Variants in TRDN observed in about 807,000 individuals in gnomAD.
TRDN encodes the protein triadin in skeletal muscle.
Under a neutral mutation model 149.7 loss-of-function variants are expected in TRDN, and 161 were observed. The ratio of observed to expected loss-of-function variants is 1.08; its 90% CI spans 0.95 to 1.23. The LOEUF (loss-of-function observed/expected upper bound fraction) is 1.23, where lower values mean the gene tolerates loss of function less well. Ranked by LOEUF, TRDN falls within the 50% of genes most tolerant of loss-of-function variation. The pLI is 0.00. For missense variants in TRDN, 896 were observed against 823.5 expected (o/e 1.09, Z -1.08); for synonymous variants, 294 against 250.5 (o/e 1.17, Z -1.64).
intron 4 of TRDN, among the ~76,000 whole-genome samples, chr6:123,538,262 G>T (rs1168128344): frequency 1.3e-5 from 2 of 151,800 alleles, no homozygotes; most frequent in African/African-American, 4.8e-5. Flanking sequence ...CTTAAACATA[G>T]AATCTTTATA....
At chr6:123,519,073 G>A (rs1297691103) in intron 5 of TRDN, among the ~76,000 whole-genome samples, 1 of 152,182 alleles carries the variant, frequency 6.6e-6, no homozygotes, top group Non-Finnish European at 1.5e-5. Flanking sequence ...TATTTGGCAA[G>A]TTATATCTTA....
At chr6:123,345,730 C>T (rs1780221807) in intron 21 of TRDN, among the ~76,000 whole-genome samples, 1 of 151,938 alleles carries the variant, frequency 6.6e-6, no homozygotes, top group Non-Finnish European at 1.5e-5. Context: ...CTGTTTATTT[C>T]TTTTACGTGG....
intron 38 of TRDN, among the ~76,000 whole-genome samples, chr6:123,225,499 G>A (rs1258221953): frequency 2.0e-5 from 3 of 148,526 alleles, no homozygotes; most frequent in Non-Finnish European, 4.5e-5. Context: ...GATCTTAAAT[G>A]TTCTCACCAC....
At chr6:123,316,019 C>T (rs1030286068) in intron 24 of TRDN, among the ~76,000 whole-genome samples, 3 of 151,886 alleles carry the variant, frequency 2.0e-5, no homozygotes, top group African/African-American at 7.2e-5. Flanking sequence ...TGTGGGACTC[C>T]TTTTTTGGAG....
chr6:123,339,213 C>T (rs1779979821), intron 21 of TRDN, among the ~76,000 whole-genome samples: 1 of 151,982 alleles, frequency 6.6e-6, no homozygotes, highest in African/African-American at 2.4e-5. Context: ...CCATACTAGC[C>T]AGGCTGGTCT....
At chr6:123,320,842 C>G (rs1189256132) in intron 23 of TRDN, among the ~76,000 whole-genome samples, 1 of 151,552 alleles carries the variant, frequency 6.6e-6, no homozygotes, top group Non-Finnish European at 1.5e-5. Flanking sequence ...TTTTTTCAAG[C>G]CAGTCTTTAA....
chr6:123,562,372 G>A (rs1333479949), intron 2 of TRDN, among the ~76,000 whole-genome samples: 1 of 152,220 alleles, frequency 6.6e-6, no homozygotes, highest in Non-Finnish European at 1.5e-5. Context: ...AGTATTTGGA[G>A]TTGTGGCCTT....
At chr6:123,316,314 A>T in intron 24 of TRDN, 143 bp downstream of exon 24, 1 of 767,568 alleles carries the variant, frequency 1.3e-6, no homozygotes, top group Non-Finnish European at 2.1e-6. Context: ...CTTGTAAAAT[A>T]TATGGCACAT....
chr6:123,533,363 G>T (rs535057440), intron 4 of TRDN, among the ~76,000 whole-genome samples: 1 of 152,076 alleles, frequency 6.6e-6, no homozygotes, highest in African/African-American at 2.4e-5. Context: ...AGAATAAGAC[G>T]TGGGTTAGAC....
At chr6:123,384,146 T>TA (rs1374387276) in intron 14 of TRDN, among the ~76,000 whole-genome samples, 1 of 152,196 alleles carries the variant, frequency 6.6e-6, no homozygotes, top group Non-Finnish European at 1.5e-5. Context: ...TTTAATTGGA[T>TA]AAGCAAGCAA....
intron 20 of TRDN, 109 bp from the exon 21 acceptor site, chr6:123,352,695 G>A (rs1298382148): frequency 7.2e-7 from 1 of 1,388,000 alleles, no homozygotes; most frequent in Non-Finnish European, 9.5e-7. Context: ...TTTTACACAA[G>A]TTATTTTGAA....
At chr6:123,597,124 C>T (rs74389655) in intron 1 of TRDN, among the ~76,000 whole-genome samples, 5,845 of 152,124 alleles carry the variant, frequency 0.038, 365 homozygotes, top group African/African-American at 0.13. Flanking sequence ...ATTTGGGATT[C>T]AAAGTAGGAG....
At chr6:123,232,031 A>G (rs563710834) in intron 38 of TRDN, among the ~76,000 whole-genome samples, 24 of 152,154 alleles carry the variant, frequency 1.6e-4, no homozygotes, top group African/African-American at 5.3e-4. Context: ...AGCTGAAAAA[A>G]TAGGTTAAGC....
chr6:123,463,565 A>G (rs1182624981), intron 10 of TRDN, among the ~76,000 whole-genome samples: 1 of 151,802 alleles, frequency 6.6e-6, no homozygotes, highest in Non-Finnish European at 1.5e-5. Flanking sequence ...GGAAATCTGA[A>G]TTCGTTGCTT....
intron 38 of TRDN, among the ~76,000 whole-genome samples, chr6:123,244,564 C>T (rs111304874): frequency 1.3e-3 from 193 of 152,056 alleles, no homozygotes; most frequent in Middle Eastern, 3.4e-3. Flanking sequence ...TAAAGAAGAA[C>T]GAACAAAGCC....
At chr6:123,629,366 C>T (rs1287291218) in intron 1 of TRDN, among the ~76,000 whole-genome samples, 2 of 152,040 alleles carry the variant, frequency 1.3e-5, no homozygotes, top group Non-Finnish European at 2.9e-5. Flanking sequence ...GTTTTTCCTT[C>T]TTTTGTTTTT....
At chr6:123,527,103 C>A (rs777261129) in intron 5 of TRDN, among the ~76,000 whole-genome samples, 11 of 151,830 alleles carry the variant, frequency 7.2e-5, no homozygotes, top group Non-Finnish European at 1.6e-4. Flanking sequence ...GGATTCTAAC[C>A]CAGATAATTT....
Position 123,461,793 on chromosome 6 carries a change from A to C in TRDN, c.931+3113T>G, listed in dbSNP as rs533723901. Among the ~76,000 whole-genome samples the C allele has an allele frequency of 2.2e-3, 330 of 152,308 alleles. 1 individual carries two copies. The highest frequency in any genetic ancestry group is 3.8e-3 in the Non-Finnish European group (258 of 68,016). The stretch of plus-strand genomic sequence containing the variant: ...AACATTTGATGATAAAGGACCTTTC[A>C]TGCTAAGAGCTAAAATCACCTATAA... On this transcript the variant is annotated intron_variant, in intron 10 of 40. Transcript: ENST00000334268.
chr6:123,606,630 T>C (rs911106058), intron 1 of TRDN, among the ~76,000 whole-genome samples: 1 of 152,148 alleles, frequency 6.6e-6, no homozygotes, highest in African/African-American at 2.4e-5. Context: ...TCACTGATTT[T>C]CTTCCTGATA....
Sources: gnomAD v4.1 joint callset for allele counts (sites outside exome capture counted in the v4.1 genomes callset) on GRCh38, gnomAD v4.1.1 for gene constraint, MANE v1.5 for transcripts, NCBI Gene and HGNC (gene_info 2026-07-23, HGNC 2026-07-21) for gene names.